Variants in MAPK4 observed in about 807,000 individuals in gnomAD.
MAPK4 encodes the protein mitogen-activated protein kinase 4.
MAPK4 carries 22 observed loss-of-function variants against 47.7 expected under a neutral mutation model. The observed-to-expected ratio is 0.46, with a 90% CI of 0.33 to 0.66. The LOEUF (loss-of-function observed/expected upper bound fraction) is 0.66, where lower values mean the gene tolerates loss of function less well. MAPK4 is among the 30% of genes least tolerant of loss of function. The pLI, the probability that MAPK4 is intolerant of heterozygous loss-of-function variation, is 0.02. For synonymous variants in MAPK4, 390 were observed against 365.7 expected, an observed-to-expected ratio of 1.07 and a Z score of -0.76; for missense variants, 736 against 831.7, an observed-to-expected ratio of 0.88 and a Z score of 1.42.
In MAPK4 at chr18:50,715,169, T is replaced by C; in HGVS notation, c.637T>C (p.Trp213Arg). The C allele has an allele frequency of 6.2e-7, 1 of 1,614,154 alleles. No individual in the cohort carries two copies. The highest frequency in any genetic ancestry group is 8.5e-7 in the Non-Finnish European group (1 of 1,180,032). Residue 213 changes from tryptophan to arginine, a missense_variant, in exon 3 of 6, where the codon TGG (tryptophan) becomes CGG (arginine). Trp to Arg is a moderately radical substitution (Grantham distance 101). Coordinates refer to ENST00000400384, the MANE Select transcript of MAPK4 (RefSeq NM_002747.4). ...TAACTACACCAAAGCCATCGACATG[T>C]GGGCCGCCGGCTGCATCCTGGCTGA... ...PNNYTKAIDM[W>R]AAGCILAEML... is the part of the protein sequence containing the mutation.
chr18:50,613,118 C>T (rs1001701649), intron 1 of MAPK4, among the ~76,000 whole-genome samples: 1 of 152,114 alleles, frequency 6.6e-6, no homozygotes, highest in African/African-American at 2.4e-5. Context: ...TTATAGTAGC[C>T]CCCCTGTATA....
At chr18:50,668,924 A>C (rs1173513739) in intron 2 of MAPK4, among the ~76,000 whole-genome samples, 2 of 152,236 alleles carry the variant, frequency 1.3e-5, no homozygotes, top group African/African-American at 4.8e-5. Flanking sequence ...GAGTCAGGCC[A>C]TTCTGCTTAT....
chr18:50,561,464 T>G (rs903066152), intron 1 of MAPK4, among the ~76,000 whole-genome samples: 2 of 152,240 alleles, frequency 1.3e-5, no homozygotes, highest in Non-Finnish European at 2.9e-5. Flanking sequence ...AGGTGAAGCG[T>G]CATGACGTTC....
At chr18:50,662,187 A>G (rs2043179125) in intron 1 of MAPK4, among the ~76,000 whole-genome samples, 1 of 152,230 alleles carries the variant, frequency 6.6e-6, no homozygotes, top group Non-Finnish European at 1.5e-5. Flanking sequence ...TGTGTTGGAT[A>G]CAGTCTTCTT....
intron 3 of MAPK4, among the ~76,000 whole-genome samples, chr18:50,721,523 A>G (rs138634086): frequency 6.6e-6 from 1 of 152,330 alleles, no homozygotes; most frequent in Admixed American, 6.5e-5. Context: ...ATTAGAAACC[A>G]AAAGGTATGG....
At chr18:50,578,584 T>C (rs2042317488) in intron 1 of MAPK4, among the ~76,000 whole-genome samples, 1 of 152,192 alleles carries the variant, frequency 6.6e-6, no homozygotes, top group Admixed American at 6.5e-5. Context: ...ACCTAATGGT[T>C]ACAAGATCAG....
chr18:50,618,864 A>G (rs1363013845), intron 1 of MAPK4, among the ~76,000 whole-genome samples: 1 of 152,110 alleles, frequency 6.6e-6, no homozygotes, highest in East Asian at 1.9e-4. Flanking sequence ...GAAAATGCAG[A>G]CTGTGCCCCC....
At chr18:50,675,583 C>T (rs1455642289) in intron 2 of MAPK4, among the ~76,000 whole-genome samples, 1 of 152,214 alleles carries the variant, frequency 6.6e-6, no homozygotes, top group Non-Finnish European at 1.5e-5. Flanking sequence ...CCTCCACCTC[C>T]TGGGTTCACG....
intron 1 of MAPK4, among the ~76,000 whole-genome samples, chr18:50,577,089 C>A (rs1434638118): frequency 6.6e-6 from 1 of 152,112 alleles, no homozygotes; most frequent in Non-Finnish European, 1.5e-5. Context: ...ATGTCTGTGC[C>A]CATCCCACTG....
At position 50,729,336 on chromosome 18, in the gene MAPK4, A is replaced by T. The variant is rs528858237; in HGVS notation, c.1246A>T (p.Met416Leu). 6 of 1,592,430 alleles carry T rather than the reference A, an allele frequency of 3.8e-6. No individual in the cohort carries two copies. Among genetic ancestry groups the T allele is most frequent in the Non-Finnish European group, 5.1e-6 (6 of 1,169,226 alleles). Residue 416 changes from methionine (M) to leucine (L), a missense_variant, in exon 6 of 6, where the codon ATG (methionine) becomes TTG (leucine). Met to Leu is a conservative substitution (Grantham distance 15, BLOSUM62 2). Around this residue, in one of 3 missense-constraint regions of MAPK4, gnomAD observed 377 missense variants for 378.6 expected, o/e 1.00. Coordinates refer to ENST00000400384, the MANE Select transcript of MAPK4 (RefSeq NM_002747.4). ...ERFLEQSHSS[M>L]ERAFEADYGR... ...CTTCCTAGAGCAGTCGCACTCGTCC[A>T]TGGAGCGCGCCTTCGAGGCCGACTA...
chr18:50,703,659 G>A (rs1411171031), intron 2 of MAPK4, among the ~76,000 whole-genome samples: 2 of 152,170 alleles, frequency 1.3e-5, no homozygotes, highest in Non-Finnish European at 2.9e-5. Context: ...CCTGTCCTGA[G>A]AAAGACTGGT....
intron 2 of MAPK4, among the ~76,000 whole-genome samples, chr18:50,667,317 A>G (rs961476188): frequency 3.3e-5 from 5 of 152,086 alleles, no homozygotes; most frequent in South Asian, 2.1e-4. Context: ...CCCTCAATCA[A>G]TTTTGTTGAC....
intron 1 of MAPK4, among the ~76,000 whole-genome samples, chr18:50,660,618 A>G (rs984034780): frequency 6.6e-6 from 1 of 152,236 alleles, no homozygotes; most frequent in Non-Finnish European, 1.5e-5. Flanking sequence ...TGCCAAACAC[A>G]GCGTACACAT....
At chr18:50,607,237 C>T (rs1210615031) in intron 1 of MAPK4, among the ~76,000 whole-genome samples, 1 of 152,100 alleles carries the variant, frequency 6.6e-6, no homozygotes, top group Non-Finnish European at 1.5e-5. Context: ...TTCTCACAAC[C>T]ACACGACATG....
intron 1 of MAPK4, among the ~76,000 whole-genome samples, chr18:50,626,902 C>T (rs1393829783): frequency 6.6e-6 from 1 of 152,214 alleles, no homozygotes; most frequent in Non-Finnish European, 1.5e-5. Flanking sequence ...CCCCTCTGCT[C>T]ACAGCACAGG....
At chr18:50,614,597 C>T (rs1240455821) in intron 1 of MAPK4, among the ~76,000 whole-genome samples, 1 of 152,018 alleles carries the variant, frequency 6.6e-6, no homozygotes, top group Non-Finnish European at 1.5e-5. Flanking sequence ...CAAAATATCC[C>T]GTATACCTCA....
intron 1 of MAPK4, among the ~76,000 whole-genome samples, chr18:50,563,212 C>G (rs1180569201): frequency 1.3e-5 from 2 of 152,124 alleles, no homozygotes; most frequent in Non-Finnish European, 2.9e-5. Flanking sequence ...GAAAAACTAT[C>G]CGGAATTTAC....
intron 1 of MAPK4, among the ~76,000 whole-genome samples, chr18:50,600,051 C>T (rs1568040189): frequency 6.6e-6 from 1 of 152,208 alleles, no homozygotes; most frequent in Non-Finnish European, 1.5e-5. Flanking sequence ...GGTTTAGTTT[C>T]AGATGCCTTC....
intron 1 of MAPK4, among the ~76,000 whole-genome samples, chr18:50,652,157 A>G (rs1598869577): frequency 6.6e-6 from 1 of 152,274 alleles, no homozygotes; most frequent in East Asian, 1.9e-4. Context: ...CAGCGGCAGG[A>G]CCAGAATCCA....
Sources: allele counts gnomAD v4.1 joint callset (sites outside exome capture counted in the v4.1 genomes callset), GRCh38; gene constraint gnomAD v4.1.1; regional missense constraint gnomAD v4.1.1; transcripts MANE v1.5; gene names NCBI Gene and HGNC (gene_info 2026-07-23, HGNC 2026-07-21).